OR51B5: variants seen among roughly 807,000 people sequenced by gnomAD.
OR51B5 encodes the protein olfactory receptor family 51 subfamily B member 5, also known as olfactory receptor 51B5.
For missense variants in OR51B5, 456 were observed against 374.6 expected (o/e 1.22, Z -1.79); for synonymous variants, 186 against 144.8 (o/e 1.28, Z -2.04).
upstream of OR51B5, among the ~76,000 whole-genome samples, chr11:5,343,800 A>AG (rs1295430683): frequency 2.0e-5 from 3 of 152,216 alleles, no homozygotes; most frequent in Admixed American, 6.5e-5. Context: ...CTCTTCAGAA[A>AG]AAAAATTATG....
chr11:5,373,784 G>C (rs936016129), intron 1 of OR51B5, among the ~76,000 whole-genome samples: 25 of 152,316 alleles, frequency 1.6e-4, no homozygotes, highest in East Asian at 5.8e-4. Context: ...GGGAGGGGCA[G>C]CCGCCATTGC....
At chr11:5,400,748 G>A (rs1272755663) in intron 1 of OR51B5, among the ~76,000 whole-genome samples, 2 of 152,330 alleles carry the variant, frequency 1.3e-5, no homozygotes, top group African/African-American at 2.4e-5. Flanking sequence ...GAGATTTTCT[G>A]AGTAGGTCTA....
At position 5,405,806 on chromosome 11, in the gene OR51B5, C is replaced by G. The variant is rs552119108; in HGVS notation, n.85-58896G>C. 3.9e-5 allele frequency among the ~76,000 whole-genome samples: 6 copies of G among 152,278 alleles called. No homozygotes were observed. In the South Asian group the frequency reaches 1.2e-3, roughly 32 times the overall value. On this transcript the variant is annotated intron_variant and non_coding_transcript_variant, in intron 1 of 4. Transcript: ENST00000415970. Reference sequence around the variant, plus strand: ...CTCCAGGTTTCCATGTATCCTGTTTCTAGAGATTCTGACCTGGGGATCTGC... The same window carrying G: ...CTCCAGGTTTCCATGTATCCTGTTTGTAGAGATTCTGACCTGGGGATCTGC...
chr11:5,466,336 G>C (rs1590013318), intron 1 of OR51B5, among the ~76,000 whole-genome samples: 1 of 152,044 alleles, frequency 6.6e-6, no homozygotes, highest in African/African-American at 2.4e-5. Context: ...ATAAATGATA[G>C]GAATACTTTT....
intron 1 of OR51B5, among the ~76,000 whole-genome samples, chr11:5,503,075 A>C (rs1455465760): frequency 6.6e-5 from 10 of 152,224 alleles, no homozygotes; most frequent in Non-Finnish European, 1.5e-4. Flanking sequence ...GTTGTATTAA[A>C]ATATATAAAA....
intron 1 of OR51B5, among the ~76,000 whole-genome samples, chr11:5,404,889 C>G (rs745626202): frequency 2.0e-5 from 3 of 152,144 alleles, no homozygotes; most frequent in Non-Finnish European, 2.9e-5. Context: ...CAGGAACCCA[C>G]CAGAAGGAAG....
At chr11:5,474,938 G>A (rs957084416) in intron 1 of OR51B5, among the ~76,000 whole-genome samples, 8 of 152,188 alleles carry the variant, frequency 5.3e-5, no homozygotes, top group African/African-American at 1.9e-4. Context: ...AAATAATCTG[G>A]AAAATTAGTT....
intron 1 of OR51B5, among the ~76,000 whole-genome samples, chr11:5,413,617 C>T (rs1237837351): frequency 1.3e-5 from 2 of 151,984 alleles, no homozygotes; most frequent in Non-Finnish European, 2.9e-5. Context: ...AGCCAAGGCT[C>T]GAGAACGATG....
chr11:5,455,354 C>CCAA (rs764150367), intron 1 of OR51B5: 1 of 145,128 alleles, frequency 6.9e-6, no homozygotes, highest in Non-Finnish European at 1.5e-5. Context: ...TTTCCAGTTG[C>CCAA]AAAAAAAAAA....
chr11:5,450,291 G>A (rs1030496392), intron 1 of OR51B5, among the ~76,000 whole-genome samples: 1 of 152,008 alleles, frequency 6.6e-6, no homozygotes, highest in Non-Finnish European at 1.5e-5. Context: ...GGGGAGGCTG[G>A]GGCACAAGAA....
rs552775911 is a variant in OR51B5 at position 5,456,162 on chromosome 11, G to T, written n.84+49407C>A. Reference sequence around the variant, plus strand: ...CTGATTCCTACCTCAGAAGCAGCGAGGGATACATTCTTTTGACCATAGGCC... The same window carrying T: ...CTGATTCCTACCTCAGAAGCAGCGATGGATACATTCTTTTGACCATAGGCC... On this transcript the variant is annotated intron_variant and non_coding_transcript_variant, in intron 1 of 4. Coordinates refer to the OR51B5 transcript ENST00000415970. 4 of 152,290 alleles carry T rather than the reference G, an allele frequency of 2.6e-5. No individual in the cohort carries two copies. In the South Asian group the frequency reaches 8.3e-4, roughly 32 times the overall value. The allele number at this position is 152,290 out of a possible 1,614,324, so 9.4% of individuals were successfully genotyped here.
intron 1 of OR51B5, among the ~76,000 whole-genome samples, chr11:5,435,765 A>G (rs1850584328): frequency 6.6e-6 from 1 of 152,210 alleles, no homozygotes; most frequent in Non-Finnish European, 1.5e-5. Context: ...TGTAATATGA[A>G]TCAGCAGTGT....
At chr11:5,366,528 G>A (rs1207497592) in intron 1 of OR51B5, among the ~76,000 whole-genome samples, 1 of 152,106 alleles carries the variant, frequency 6.6e-6, no homozygotes, top group Non-Finnish European at 1.5e-5. Flanking sequence ...AGAATCGCTT[G>A]AACCTGGGAG....
rs755014153 is a variant in OR51B5, at chr11:5,454,054, G to A, written n.84+51515C>T. On this transcript the variant is annotated intron_variant and non_coding_transcript_variant, in intron 1 of 4. Coordinates refer to the OR51B5 transcript ENST00000415970. ...CACCCAGACATGATGAGGCTTGCCT[G>A]TGCTGATATCAGTATCAACAGCATC... 26 of 1,613,984 alleles carry A rather than the reference G, an allele frequency of 1.6e-5. No individual in the cohort carries two copies. Among genetic ancestry groups the A allele is most frequent in the Non-Finnish European group, 2.2e-5 (26 of 1,180,024 alleles).
At chr11:5,403,557 A>G in intron 1 of OR51B5, 1 of 464,450 alleles carries the variant, frequency 2.2e-6, no homozygotes, top group South Asian at 1.6e-5. Context: ...GCCAAAAACC[A>G]TAGTAGGAAG....
In OR51B5 at chr11:5,475,624, G is replaced by A. The variant is rs184435281; in HGVS notation, n.84+29945C>T. Among the ~76,000 whole-genome samples the A allele has an allele frequency of 7.9e-5, 12 of 152,226 alleles. 1 individual carries two copies. Among genetic ancestry groups the A allele is most frequent in the Admixed American group, 5.2e-4 (8 of 15,296 alleles). ...CTTGTCTAACATCTTGCAGAGTTAT[G>A]ATTAAATGATCTAACATAAATGGAA... is the stretch of plus-strand genomic sequence containing the variant. On this transcript the variant is annotated intron_variant and non_coding_transcript_variant, in intron 1 of 4. Transcript: ENST00000415970.
intron 1 of OR51B5, chr11:5,402,598 T>A: frequency 2.1e-6 from 1 of 468,920 alleles, no homozygotes; most frequent in South Asian, 1.6e-5. Context: ...TATGTCAACA[T>A]GAAAATTTCT....
chr11:5,357,893 T>G (rs1483196262), intron 1 of OR51B5, among the ~76,000 whole-genome samples: 1 of 152,088 alleles, frequency 6.6e-6, no homozygotes, highest in Admixed American at 6.5e-5. Context: ...GAATGACTAC[T>G]GGGTTCATAA....
intron 1 of OR51B5, among the ~76,000 whole-genome samples, chr11:5,460,359 T>TA (rs1272223599): frequency 1.3e-5 from 2 of 152,224 alleles, no homozygotes; most frequent in Admixed American, 6.5e-5. Flanking sequence ...TTTACCTATA[T>TA]AACAAACCTG....
Sources: gnomAD v4.1 joint callset for allele counts (sites outside exome capture counted in the v4.1 genomes callset) on GRCh38, gnomAD v4.1.1 for gene constraint, MANE v1.5 for transcripts, NCBI Gene and HGNC (gene_info 2026-07-23, HGNC 2026-07-21) for gene names.